FUBP1: variants seen among roughly 807,000 people sequenced by gnomAD.
FUBP1 encodes the protein far upstream element binding protein 1.
FUBP1 carries 16 observed loss-of-function variants against 94.9 expected under a neutral mutation model. That is an observed-to-expected ratio of 0.17 (90% CI 0.11 to 0.26). FUBP1 has a LOEUF of 0.26. Ranked by LOEUF, FUBP1 falls within the 10% of genes least tolerant of loss-of-function variation. The pLI, the probability that FUBP1 is intolerant of heterozygous loss-of-function variation, is 1.00. For synonymous variants in FUBP1, 279 were observed against 254.9 expected (o/e 1.09, Z -0.90); for missense variants, 583 against 808.6 (o/e 0.72, Z 3.38).
At chr1:77,956,500 T>C (rs1287457502) in intron 17 of FUBP1, 72 bp downstream of exon 17, 3 of 937,094 alleles carry the variant, frequency 3.2e-6, no homozygotes, top group East Asian at 4.9e-5. Flanking sequence ...TTAGGTATTA[T>C]ACAGTGATGT....
intron 18 of FUBP1, among the ~76,000 whole-genome samples, chr1:77,950,073 C>T (rs1653099059): frequency 6.6e-6 from 1 of 152,192 alleles, no homozygotes; most frequent in African/African-American, 2.4e-5. Flanking sequence ...CTTGAATGTA[C>T]TCTGAATTAA....
At chr1:77,956,835 A>C (rs186869651) in intron 16 of FUBP1, 135 bp from the exon 17 acceptor site, 138 of 509,482 alleles carry the variant, frequency 2.7e-4, no homozygotes, top group African/African-American at 2.4e-3. Context: ...AAAAAAGTAT[A>C]TGAAAACTTA....
intron 1 of FUBP1, among the ~76,000 whole-genome samples, chr1:77,976,982 T>G (rs1215246890): frequency 6.6e-6 from 1 of 152,124 alleles, no homozygotes; most frequent in Admixed American, 6.5e-5. Context: ...CTGGCCAAAC[T>G]CTCTTTCATT....
At position 77,958,290 on chromosome 1, in the gene FUBP1, CATTT is replaced by C. The variant is rs572412333; in HGVS notation, c.1577-1594_1577-1591del. On this transcript the variant is annotated intron_variant, in intron 16 of 19. Transcript: ENST00000370768. ...AAATATTCACTCAACCCGATTCATT[CATTT>C]ATTAATTTATAGATAAGAAAACAGA... Among the ~76,000 whole-genome samples, 101 of 152,274 alleles carry C rather than the reference CATTT, an allele frequency of 6.6e-4. 2 individuals carry two copies. The South Asian group carries it at 0.02, about 31-fold the overall frequency.
In FUBP1 at chr1:77,948,636, A is replaced by C. The variant is rs564934053; in HGVS notation, c.*130T>G. 3 of 1,411,864 alleles carry C rather than the reference A, an allele frequency of 2.1e-6. No individual in the cohort carries two copies. The highest frequency in any genetic ancestry group is 2.8e-6 in the Non-Finnish European group (3 of 1,073,844). 87.5% of individuals were successfully genotyped at this position (1,411,864 alleles called of 1,614,324 possible). ...ATTTTGTACATTTTCAAAAAAAAAA[A>C]AAAAAAAGGAAACACTATTTTAAAC... On this transcript the variant is annotated 3_prime_UTR_variant, in exon 20 of 20. Transcript: ENST00000370768.
chr1:77,966,765 C>G lies in FUBP1; in HGVS notation c.416-14G>C. On this transcript the variant is annotated splice_polypyrimidine_tract_variant and intron_variant, in intron 6 of 19. Coordinates refer to ENST00000370768, the MANE Select transcript of FUBP1 (RefSeq NM_003902.5). ...GGCCACCACTGTCTACAATTTAAAA[C>G]AAACAGATAACTTCAGGTCAAAAGA... 1 of 1,518,982 alleles carries G rather than the reference C, an allele frequency of 6.6e-7. No individual in the cohort carries two copies. Among genetic ancestry groups the G allele is most frequent in the Non-Finnish European group, 9.1e-7 (1 of 1,096,016 alleles). 94.1% of individuals were successfully genotyped at this position (1,518,982 alleles called of 1,614,324 possible).
chr1:77,964,669 T>C lies in FUBP1; in HGVS notation c.814A>G (p.Ile272Val), dbSNP rs769283936. Residue 272 changes from isoleucine (I) to valine (V), a missense_variant, in exon 10 of 20, where the codon ATA becomes GTA. By Grantham distance (29) the Ile-to-Val change is conservative. Transcript: ENST00000370768. ...ACATCTATCCCTTCATTTCCTCCTA[T>C]TCTTGACCCATACTCATTCCGAACT... ...REVRNEYGSR[I>V]GGNEGIDVPI... 4 of 1,600,516 alleles carry C rather than the reference T, an allele frequency of 2.5e-6. No homozygotes were observed. The Admixed American group carries it at 6.7e-5, about 27-fold the overall frequency.
At position 77,963,570 on chromosome 1, in the gene FUBP1, T is replaced by C. The variant is rs1310084297; in HGVS notation, c.1183+4A>G. On this transcript the variant is annotated splice_donor_region_variant and intron_variant, in intron 13 of 19. Coordinates refer to ENST00000370768, the MANE Select transcript of FUBP1 (RefSeq NM_003902.5). ...TAAAACATTAAGAGTTTAAAATACA[T>C]TGCCTTTTCCTATTATTAATCCAGT... The C allele has an allele frequency of 1.6e-5, 24 of 1,534,062 alleles. No individual in the cohort carries two copies. The highest frequency in any genetic ancestry group is 2.1e-5 in the Non-Finnish European group (23 of 1,108,764).
Position 77,944,663 on chromosome 1 carries a change from T to A in FUBP1, c.*4103A>T, listed in dbSNP as rs779511149. 6.6e-6 allele frequency among the ~76,000 whole-genome samples: 1 copy of A among 151,926 alleles called. No homozygotes were observed. Among genetic ancestry groups the A allele is most frequent in the Non-Finnish European group, 1.5e-5 (1 of 67,848 alleles). On this transcript the variant is annotated 3_prime_UTR_variant, in exon 20 of 20. Coordinates refer to ENST00000370768, the MANE Select transcript of FUBP1 (RefSeq NM_003902.5). Reference sequence around the variant, plus strand: ...AGTACAGCTGATTTTACTGGCAGAGTATTCAAACAAATAAAATGCTATCAC... The same window carrying A: ...AGTACAGCTGATTTTACTGGCAGAGAATTCAAACAAATAAAATGCTATCAC...
In FUBP1 at chr1:77,979,011, A is replaced by C. The variant is rs1324698295; in HGVS notation, c.-7T>G. 1.2e-6 allele frequency: 2 copies of C among 1,607,338 alleles called. No individual in the cohort carries two copies. The highest frequency in any genetic ancestry group is 1.7e-5 in the Admixed American group (1 of 59,424). ...CTGTTGAATAGTCTGCCATGGTTGC[A>C]CTATAAGAGCCGCTGCCGCCTGTTC... On this transcript the variant is annotated 5_prime_UTR_variant, in exon 1 of 20. Coordinates refer to ENST00000370768, the MANE Select transcript of FUBP1 (RefSeq NM_003902.5).
At position 77,965,060 on chromosome 1, in the gene FUBP1, T is replaced by G. The variant is rs773674440; in HGVS notation, c.636+9A>C. On this transcript the variant is annotated intron_variant, in intron 8 of 19. Transcript: ENST00000370768. ...ATCAAAAGTAGCCATTTCACAAAAATAACAATACCTGAAGCTGTTTAATAG... is the reference window on the plus strand; with the variant it reads ...ATCAAAAGTAGCCATTTCACAAAAAGAACAATACCTGAAGCTGTTTAATAG... 1 of 1,609,594 alleles carries G rather than the reference T, an allele frequency of 6.2e-7. No individual in the cohort carries two copies. The highest frequency in any genetic ancestry group is 2.2e-5 in the East Asian group (1 of 44,818).
chr1:77,976,384 C>T (rs1418047605), intron 1 of FUBP1, among the ~76,000 whole-genome samples: 4 of 152,190 alleles, frequency 2.6e-5, no homozygotes. Context: ...ACAGCAAAGA[C>T]ATCAGGACAA....
intron 18 of FUBP1, among the ~76,000 whole-genome samples, chr1:77,951,307 T>C (rs991764736): frequency 1.3e-5 from 2 of 152,220 alleles, no homozygotes; most frequent in Non-Finnish European, 1.5e-5. Context: ...CCTATATCCC[T>C]GTGGAAAGCT....
At chr1:77,974,709 A>G (rs963024973) in intron 1 of FUBP1, among the ~76,000 whole-genome samples, 20 of 152,352 alleles carry the variant, frequency 1.3e-4, no homozygotes, top group African/African-American at 4.8e-4. Context: ...ACATATGTAT[A>G]GGAAAAAATA....
At chr1:77,971,840 T>C (rs1461788262) in intron 1 of FUBP1, among the ~76,000 whole-genome samples, 2 of 151,844 alleles carry the variant, frequency 1.3e-5, no homozygotes, top group East Asian at 3.9e-4. Context: ...AAACCCAGTC[T>C]CTACTAAAAA....
Position 77,946,234 on chromosome 1 carries a change from T to C in FUBP1, c.*2532A>G, listed in dbSNP as rs191823664. Among the ~76,000 whole-genome samples the C allele has an allele frequency of 3.2e-4, 48 of 151,874 alleles. No homozygotes were observed. The highest frequency in any genetic ancestry group is 3.4e-3 in the Middle Eastern group (1 of 292). On this transcript the variant is annotated 3_prime_UTR_variant, in exon 20 of 20. Transcript: ENST00000370768. ...TCCTTTCTTAATATTAACACTTCTA[T>C]ATTTGGGGAAAAAATACAAAAAGAT...
At chr1:77,979,085 G>A (rs1169512892), upstream of FUBP1, 24 of 1,362,304 alleles carry the variant, frequency 1.8e-5, no homozygotes, top group Non-Finnish European at 2.2e-5. Flanking sequence ...AATGGCGGCC[G>A]TCGAAGCTCT....
intron 14 of FUBP1, 198 bp from the exon 15 acceptor site, chr1:77,960,693 A>G (rs1655293975): frequency 2.1e-6 from 1 of 481,500 alleles, no homozygotes; most frequent in African/African-American, 2.0e-5. Flanking sequence ...CACTAAAATC[A>G]ATAGCAGTAG....
chr1:77,948,501 C>A lies in FUBP1; in HGVS notation c.*265G>T. 1 of 1,233,362 alleles carries A rather than the reference C, an allele frequency of 8.1e-7. No homozygotes were observed. The highest frequency in any genetic ancestry group is 3.1e-4 in the Middle Eastern group (1 of 3,198). The allele number at this position is 1,233,362 out of a possible 1,614,324, so 76.4% of individuals were successfully genotyped here. On this transcript the variant is annotated 3_prime_UTR_variant, in exon 20 of 20. Coordinates refer to ENST00000370768, the MANE Select transcript of FUBP1 (RefSeq NM_003902.5). Reference sequence around the variant, plus strand: ...CATTTATATCACAAAGCATCAACCACATAATTGCAAATACATTTGCTGGAA... The same window carrying A: ...CATTTATATCACAAAGCATCAACCAAATAATTGCAAATACATTTGCTGGAA...
Sources: allele counts gnomAD v4.1 joint callset (sites outside exome capture counted in the v4.1 genomes callset), GRCh38; gene constraint gnomAD v4.1.1; transcripts MANE v1.5; gene names NCBI Gene and HGNC (gene_info 2026-07-23, HGNC 2026-07-21).